Variants in PDZRN4 observed in about 807,000 individuals in gnomAD.
PDZRN4 encodes the protein PDZ domain containing ring finger 4.
PDZRN4 carries 70 observed loss-of-function variants against 99.0 expected under a neutral mutation model. The observed-to-expected ratio is 0.71, with a 90% confidence interval of 0.58 to 0.86. PDZRN4 has a LOEUF of 0.86. Ranked by LOEUF, PDZRN4 falls within the 40% of genes least tolerant of loss-of-function variation. The pLI is 0.00. For missense variants in PDZRN4, 1,474 were observed against 1,331.2 expected, an observed-to-expected ratio of 1.11 and a Z score of -1.67; for synonymous variants, 551 against 501.6, an observed-to-expected ratio of 1.10 and a Z score of -1.32.
At chr12:41,207,121 G>A (rs1260550965) in intron 3 of PDZRN4, among the ~76,000 whole-genome samples, 1 of 151,806 alleles carries the variant, frequency 6.6e-6, no homozygotes, top group African/African-American at 2.4e-5. Flanking sequence ...AAAATTCTTT[G>A]TTTTTCTTCT....
intron 3 of PDZRN4, among the ~76,000 whole-genome samples, chr12:41,277,059 C>A (rs1257840307): frequency 6.6e-6 from 1 of 152,158 alleles, no homozygotes; most frequent in Admixed American, 6.6e-5. Flanking sequence ...TATAACAATT[C>A]TTTAAAAGAG....
chr12:41,314,278 G>C (rs1351675089), intron 3 of PDZRN4, among the ~76,000 whole-genome samples: 1 of 152,110 alleles, frequency 6.6e-6, no homozygotes, highest in Non-Finnish European at 1.5e-5. Flanking sequence ...ATCACAGCAA[G>C]TTAAGTTTCT....
At chr12:41,453,197 C>G (rs1465117377) in intron 3 of PDZRN4, among the ~76,000 whole-genome samples, 1 of 152,122 alleles carries the variant, frequency 6.6e-6, no homozygotes, top group Non-Finnish European at 1.5e-5. Context: ...GCCCATGCCC[C>G]CCGCCCCTGG....
At chr12:41,299,057 G>A (rs1189015008) in intron 3 of PDZRN4, among the ~76,000 whole-genome samples, 6 of 152,044 alleles carry the variant, frequency 3.9e-5, no homozygotes, top group Admixed American at 3.9e-4. Flanking sequence ...ACTAATGCAA[G>A]AGTTGCTCCA....
chr12:41,372,706 C>G (rs185994389), intron 3 of PDZRN4, among the ~76,000 whole-genome samples: 31 of 152,212 alleles, frequency 2.0e-4, no homozygotes, highest in Non-Finnish European at 2.5e-4. Flanking sequence ...GAGGTGTGAT[C>G]ACACTTAAGT....
intron 3 of PDZRN4, among the ~76,000 whole-genome samples, chr12:41,198,279 G>A (rs992206428): frequency 2.0e-5 from 3 of 151,910 alleles, no homozygotes; most frequent in Non-Finnish European, 4.4e-5. Flanking sequence ...GAGTGGGAAA[G>A]GGTGGATAAT....
intron 3 of PDZRN4, among the ~76,000 whole-genome samples, chr12:41,403,916 G>A (rs1284475889): frequency 1.3e-5 from 2 of 152,166 alleles, no homozygotes; most frequent in Admixed American, 1.3e-4. Context: ...TAAGCCATAT[G>A]TGATAAGAAG....
chr12:41,295,573 C>T (rs1239405582), intron 3 of PDZRN4, among the ~76,000 whole-genome samples: 1 of 151,944 alleles, frequency 6.6e-6, no homozygotes, highest in Non-Finnish European at 1.5e-5. Context: ...AAATAATGGC[C>T]TAAATATGAG....
intron 3 of PDZRN4, among the ~76,000 whole-genome samples, chr12:41,199,588 A>G (rs1042524121): frequency 6.6e-6 from 1 of 152,190 alleles, no homozygotes; most frequent in African/African-American, 2.4e-5. Flanking sequence ...TCACAATAGC[A>G]AAGTCACGGA....
chr12:41,323,386 C>A (rs1951692223), intron 3 of PDZRN4, among the ~76,000 whole-genome samples: 1 of 151,872 alleles, frequency 6.6e-6, no homozygotes. Context: ...TACATAAGAT[C>A]TTTAGTTGAA....
intron 3 of PDZRN4, among the ~76,000 whole-genome samples, chr12:41,501,771 A>T (rs10880082): frequency 6.6e-6 from 1 of 152,086 alleles, no homozygotes; most frequent in Admixed American, 6.6e-5. Context: ...CCATCACTTG[A>T]ATATATAATC....
At chr12:41,542,569 G>C (rs1041640551) in intron 5 of PDZRN4, among the ~76,000 whole-genome samples, 1 of 152,050 alleles carries the variant, frequency 6.6e-6, no homozygotes, top group Admixed American at 6.5e-5. Context: ...CAACACACAC[G>C]TTTCCATGAA....
chr12:41,537,262 C>T (rs1938764805), intron 5 of PDZRN4, among the ~76,000 whole-genome samples: 1 of 152,128 alleles, frequency 6.6e-6, no homozygotes, highest in Admixed American at 6.6e-5. Context: ...CTGTGGTAAA[C>T]ACGTGGTTTG....
chr12:41,521,000 T>C (rs1262601312), intron 5 of PDZRN4, among the ~76,000 whole-genome samples: 1 of 152,106 alleles, frequency 6.6e-6, no homozygotes, highest in African/African-American at 2.4e-5. Context: ...AACATATGTT[T>C]GTATTTGGTG....
chr12:41,469,152 G>A (rs979472438), intron 3 of PDZRN4, among the ~76,000 whole-genome samples: 13 of 152,134 alleles, frequency 8.5e-5, no homozygotes, highest in African/African-American at 1.9e-4. Context: ...ATTCAGAATC[G>A]GGGAAACTGT....
rs994778476 is a variant in PDZRN4, at chr12:41,408,430, C to A, written c.844-98026C>A. 3.3e-5 allele frequency among the ~76,000 whole-genome samples: 5 copies of A among 152,158 alleles called. No homozygotes were observed. In the East Asian group the frequency reaches 5.8e-4, roughly 18 times the overall value. On this transcript the variant is annotated intron_variant, in intron 3 of 9. Transcript: ENST00000402685. ...CTCCCTTTCTGCAAGTTTCCAGAGT[C>A]CAAGTTTTCTCAAAGTGGAAGTGTG... is the stretch of plus-strand genomic sequence containing the variant.
At chr12:41,517,790 T>A (rs2120705623) in intron 5 of PDZRN4, among the ~76,000 whole-genome samples, 1 of 151,778 alleles carries the variant, frequency 6.6e-6, no homozygotes, top group South Asian at 2.1e-4. Flanking sequence ...CAACCCACAT[T>A]TTTTTTTAGT....
chr12:41,274,812 A>G (rs1951339443), intron 3 of PDZRN4, among the ~76,000 whole-genome samples: 1 of 152,150 alleles, frequency 6.6e-6, no homozygotes, highest in South Asian at 2.1e-4. Flanking sequence ...GAAGACAGTT[A>G]AAGATTAATT....
intron 3 of PDZRN4, among the ~76,000 whole-genome samples, chr12:41,494,395 T>C (rs549714686): frequency 3.3e-5 from 5 of 152,222 alleles, no homozygotes; most frequent in Non-Finnish European, 7.4e-5. Flanking sequence ...TCTGCACCTC[T>C]AGGGGCAGAT....
Sources: allele counts gnomAD v4.1 joint callset (sites outside exome capture counted in the v4.1 genomes callset), GRCh38; gene constraint gnomAD v4.1.1; transcripts MANE v1.5; gene names NCBI Gene and HGNC (gene_info 2026-07-23, HGNC 2026-07-21).